STAT3: variants seen among roughly 807,000 people sequenced by gnomAD.
The protein encoded by STAT3 is DNA-binding protein APRF.
STAT3 carries 7 observed loss-of-function variants against 114.3 expected under a neutral mutation model. The ratio of observed to expected loss-of-function variants is 0.06; its 90% confidence interval spans 0.03 to 0.11. The LOEUF is 0.11. STAT3 is among the 10% of genes least tolerant of loss of function. The pLI, the probability that STAT3 is intolerant of heterozygous loss-of-function variation, is 1.00. For missense variants in STAT3, 364 were observed against 960.9 expected (o/e 0.38, Z 8.21); for synonymous variants, 331 against 354.5 (o/e 0.93, Z 0.74).
chr17:42,330,874 A>C (rs562706330), intron 11 of STAT3, among the ~76,000 whole-genome samples: 1 of 152,342 alleles, frequency 6.6e-6, no homozygotes, highest in East Asian at 1.9e-4. Flanking sequence ...CTATGTATGG[A>C]AAGAATATAT....
intron 22 of STAT3, 35 bp from the exon 23 acceptor site, chr17:42,316,936 G>A (rs764337937): frequency 1.9e-6 from 3 of 1,602,740 alleles, no homozygotes; most frequent in Non-Finnish European, 2.6e-6. Flanking sequence ...AGGGGAAACG[G>A]GGGGTTGACA....
chr17:42,326,613 TC>T (rs1447882196), intron 14 of STAT3, among the ~76,000 whole-genome samples: 1 of 151,902 alleles, frequency 6.6e-6, no homozygotes, highest in African/African-American at 2.4e-5. Flanking sequence ...GGTCAGGAGT[TC>T]GAGACCAGCC....
At position 42,358,399 on chromosome 17, in the gene STAT3, C is replaced by A. The variant is rs530919732; in HGVS notation, c.-23-9860G>T. Among the ~76,000 whole-genome samples the A allele has an allele frequency of 2.0e-5, 3 of 152,292 alleles. No homozygotes were observed. The South Asian group carries it at 6.2e-4, about 32-fold the overall frequency. On this transcript the variant is annotated intron_variant, in intron 1 of 23. Transcript: ENST00000264657. ...CTCCAGCCTGGGTGACAGAGCTAGA[C>A]CCCATCTCTAAAGAAGGAGCAAGAG...
chr17:42,376,789 T>A (rs1187376085), intron 1 of STAT3, among the ~76,000 whole-genome samples: 1 of 151,730 alleles, frequency 6.6e-6, no homozygotes, highest in Non-Finnish European at 1.5e-5. Flanking sequence ...GAGCTTACAG[T>A]GGGCCCAGAT....
chr17:42,388,292 A>G lies in STAT3; in HGVS notation c.-37T>C, dbSNP rs1181071838. ...CACCCCCTTCACCTGTTTCTCCGGCAGAGGCCGAGAGGCCGGGGCTGCGCG... is the reference window on the plus strand; with the variant it reads ...CACCCCCTTCACCTGTTTCTCCGGCGGAGGCCGAGAGGCCGGGGCTGCGCG... On this transcript the variant is annotated 5_prime_UTR_variant, in exon 1 of 24. Coordinates refer to ENST00000264657, the MANE Select transcript of STAT3 (RefSeq NM_139276.3). 1 of 1,231,482 alleles carries G rather than the reference A, an allele frequency of 8.1e-7. No individual in the cohort carries two copies. Among genetic ancestry groups the G allele is most frequent in the Non-Finnish European group, 1.0e-6 (1 of 987,918 alleles). 76.3% of individuals were successfully genotyped at this position (1,231,482 alleles called of 1,614,324 possible). A position where few individuals can be genotyped will look rare whatever the true frequency, so the allele number is the denominator to read the frequency against.
chr17:42,358,321 G>A (rs1301611581), intron 1 of STAT3, among the ~76,000 whole-genome samples: 1 of 152,110 alleles, frequency 6.6e-6, no homozygotes, highest in African/African-American at 2.4e-5. Context: ...GCTGAGGCAG[G>A]AGGATCACTT....
chr17:42,374,610 CAAAAAAA>C (rs1260078348), intron 1 of STAT3, among the ~76,000 whole-genome samples: 1 of 120,932 alleles, frequency 8.3e-6, no homozygotes, highest in Non-Finnish European at 1.7e-5. Flanking sequence ...AACTCCATCT[CAAAAAAA>C]AAAAAAAAAA....
intron 21 of STAT3, among the ~76,000 whole-genome samples, chr17:42,320,947 T>TTGTGTG (rs112139000): frequency 6.8e-6 from 1 of 146,904 alleles, no homozygotes; most frequent in Non-Finnish European, 1.5e-5. Flanking sequence ...TTTCTCTTCT[T>TTGTGTG]TGTGTGTGTG....
chr17:42,343,455 CTTTTTTTTTTTTT>C (rs34846688), intron 4 of STAT3, among the ~76,000 whole-genome samples: 1 of 99,172 alleles, frequency 1.0e-5, no homozygotes, highest in African/African-American at 3.9e-5. Flanking sequence ...TCAGATCTTT[CTTTTTTTTTTTTT>C]TTTTTTTTCA....
chr17:42,358,845 C>T (rs980778975), intron 1 of STAT3, among the ~76,000 whole-genome samples: 1 of 152,010 alleles, frequency 6.6e-6, no homozygotes, highest in Admixed American at 6.6e-5. Flanking sequence ...TACAGCATCC[C>T]TCTGTGCTGG....
chr17:42,341,382 G>A (rs1221688260), intron 4 of STAT3, among the ~76,000 whole-genome samples: 3 of 152,126 alleles, frequency 2.0e-5, no homozygotes, highest in Admixed American at 6.5e-5. Flanking sequence ...CTTCCCACCC[G>A]CTATCCACTC....
intron 1 of STAT3, among the ~76,000 whole-genome samples, chr17:42,364,524 T>G (rs1174132032): frequency 6.6e-6 from 1 of 152,166 alleles, no homozygotes; most frequent in Non-Finnish European, 1.5e-5. Flanking sequence ...AAATGCTATG[T>G]AAGTCATTAA....
intron 1 of STAT3, among the ~76,000 whole-genome samples, chr17:42,379,185 C>A (rs2084638949): frequency 6.6e-6 from 1 of 152,146 alleles, no homozygotes; most frequent in African/African-American, 2.4e-5. Context: ...ATAGGGAAGC[C>A]AAGCCGTTTA....
rs778236575 is a variant in STAT3, at chr17:42,333,184, A to G, written c.1049+489T>C. Among the ~76,000 whole-genome samples the G allele has an allele frequency of 1.3e-5, 2 of 152,174 alleles. No individual in the cohort carries two copies. Among genetic ancestry groups the G allele is most frequent in the Non-Finnish European group, 2.9e-5 (2 of 68,042 alleles). On this transcript the variant is annotated intron_variant, in intron 10 of 23. Coordinates refer to ENST00000264657, the MANE Select transcript of STAT3 (RefSeq NM_139276.3). The surrounding 1 kb of genome is among the most constrained non-coding windows in gnomAD (Gnocchi z 5.2). ...TCTATTAATCCTGAAACCGAACACCATACTAAGTTTCTGAGGAGGGAAATT... is the reference window on the plus strand; with the variant it reads ...TCTATTAATCCTGAAACCGAACACCGTACTAAGTTTCTGAGGAGGGAAATT...
intron 1 of STAT3, among the ~76,000 whole-genome samples, chr17:42,365,411 C>G (rs1018116853): frequency 6.6e-6 from 1 of 152,154 alleles, no homozygotes; most frequent in Non-Finnish European, 1.5e-5. Context: ...CATCGCAGAG[C>G]AAAGACAAGC....
intron 6 of STAT3, 120 bp downstream of exon 6, chr17:42,338,611 C>T (rs1486401827): frequency 2.2e-5 from 20 of 914,520 alleles, no homozygotes; most frequent in African/African-American, 6.4e-5. Flanking sequence ...TTTGAGGACC[C>T]GTACCTCCCT....
chr17:42,339,379 C>T lies in STAT3; in HGVS notation c.403G>A (p.Ala135Thr). ...ATCTGCTGCTTCTCCGTCACCACGG[C>T]TGCTGTGGGGTGGTTGGCCTGGCCC... The part of the protein sequence containing the change: ...QGGQANHPTA[A>T]VVTEKQQMLE... The change falls in exon 5 of 24, where the codon GCC becomes ACC. Residue 135 changes from alanine (A) to threonine (T), a missense_variant. This residue lies in a region of STAT3 where 294 missense variants were observed against 745.1 expected (regional missense o/e 0.39). Transcript: ENST00000264657. 2 of 1,614,152 alleles carry T rather than the reference C, an allele frequency of 1.2e-6. No individual in the cohort carries two copies.
chr17:42,339,104 T>A (rs917346490), intron 5 of STAT3, among the ~76,000 whole-genome samples: 4 of 151,550 alleles, frequency 2.6e-5, no homozygotes, highest in Non-Finnish European at 5.9e-5. Flanking sequence ...TTTTTTTTTT[T>A]AATTAGCTGG....
chr17:42,328,346 A>G (rs1291758750), intron 14 of STAT3, among the ~76,000 whole-genome samples: 2 of 152,224 alleles, frequency 1.3e-5, no homozygotes, highest in African/African-American at 4.8e-5. Flanking sequence ...ATCATTGCAT[A>G]CAGGCTACTT....
Sources: allele counts gnomAD v4.1 joint callset (sites outside exome capture counted in the v4.1 genomes callset), GRCh38; gene constraint gnomAD v4.1.1; regional missense constraint gnomAD v4.1.1; non-coding constraint Gnocchi (gnomAD v3.1); transcripts MANE v1.5; gene names NCBI Gene and HGNC (gene_info 2026-07-23, HGNC 2026-07-21).